Variants in DNAH14 observed in about 807,000 individuals in gnomAD.
The protein encoded by DNAH14 is dynein axonemal heavy chain 14.
Under a neutral mutation model 520.9 loss-of-function variants are expected in DNAH14, and 478 were observed. The observed-to-expected ratio is 0.92, with a 90% CI of 0.85 to 0.99. The LOEUF (loss-of-function observed/expected upper bound fraction) is 0.99, where lower values mean the gene tolerates loss of function less well. Among genes scored for constraint, DNAH14 ranks in the 50% least tolerant of loss-of-function variants. DNAH14 has a pLI of 0.00. For missense variants in DNAH14, 4,831 were observed against 5,234.5 expected (o/e 0.92, Z 2.38); for synonymous variants, 1,581 against 1,757.2 (o/e 0.90, Z 2.51).
chr1:225,214,093 G>A (rs1428546420), intron 41 of DNAH14, among the ~76,000 whole-genome samples: 1 of 152,108 alleles, frequency 6.6e-6, no homozygotes, highest in African/African-American at 2.4e-5. Flanking sequence ...TCAATACCTA[G>A]TTTATTGAGA....
intron 8 of DNAH14, among the ~76,000 whole-genome samples, chr1:224,985,583 G>T (rs1324933200): frequency 6.6e-6 from 1 of 152,080 alleles, no homozygotes; most frequent in African/African-American, 2.4e-5. Flanking sequence ...CTCGTAACCA[G>T]ATACCACCTG....
chr1:225,278,175 G>A (rs1458330419), intron 54 of DNAH14, among the ~76,000 whole-genome samples: 2 of 150,366 alleles, frequency 1.3e-5, no homozygotes, highest in East Asian at 3.9e-4. Context: ...TAATTAAAAG[G>A]AACTAAAAAC....
chr1:225,337,156 A>G (rs2095074631), intron 66 of DNAH14, 110 bp from the exon 67 acceptor site: 3 of 929,156 alleles, frequency 3.2e-6, no homozygotes, highest in Non-Finnish European at 4.8e-6. Flanking sequence ...TTTAAACAGT[A>G]TTTCTTTTTC....
intron 8 of DNAH14, among the ~76,000 whole-genome samples, chr1:224,983,323 T>G (rs1282942877): frequency 6.6e-6 from 1 of 152,160 alleles, no homozygotes; most frequent in African/African-American, 2.4e-5. Flanking sequence ...ACCCCTTTAC[T>G]TTAAGTTTAT....
chr1:225,130,368 A>G (rs1433463172), intron 27 of DNAH14, among the ~76,000 whole-genome samples: 1 of 152,032 alleles, frequency 6.6e-6, no homozygotes, highest in Non-Finnish European at 1.5e-5. Flanking sequence ...ACACATACAC[A>G]CGTATGTTTA....
intron 41 of DNAH14, among the ~76,000 whole-genome samples, chr1:225,212,665 A>C (rs921573176): frequency 1.4e-4 from 22 of 152,264 alleles, no homozygotes; most frequent in South Asian, 6.2e-4. Context: ...AATGATGATG[A>C]GCATTTTTTC....
chr1:225,176,661 ATAGT>A (rs1274260672), intron 36 of DNAH14, among the ~76,000 whole-genome samples: 4 of 151,118 alleles, frequency 2.6e-5, no homozygotes, highest in South Asian at 2.1e-4. Context: ...TGTTCTCATG[ATAGT>A]TAGTAAGTCT....
Position 225,132,053 on chromosome 1 carries a change from A to G in DNAH14, c.4254+8439A>G, listed in dbSNP as rs142690607. 5.3e-3 allele frequency among the ~76,000 whole-genome samples: 800 copies of G among 152,292 alleles called. 5 individuals carry two copies. Among genetic ancestry groups the G allele is most frequent in the Non-Finnish European group, 8.2e-3 (560 of 68,018 alleles). Reference sequence around the variant, plus strand: ...TGATTTTTCTCCAGAAAAACTGAGTAATCATTTAAAAAAGTGAGTGGTCAT... The same window carrying G: ...TGATTTTTCTCCAGAAAAACTGAGTGATCATTTAAAAAAGTGAGTGGTCAT... On this transcript the variant is annotated intron_variant, in intron 27 of 85. Transcript: ENST00000682510.
At chr1:225,281,988 CTA>C (rs34015245) in intron 54 of DNAH14, among the ~76,000 whole-genome samples, 27,598 of 151,864 alleles carry the variant, frequency 0.18, 2,664 homozygotes, top group East Asian at 0.34. Context: ...ACGACGGTAA[CTA>C]TGTAAAGATA....
chr1:225,144,603 CTG>C lies in DNAH14; in HGVS notation c.4716_4717del (p.Glu1573AspfsTer20). 6.4e-7 allele frequency: 1 copy of C among 1,551,364 alleles called. No homozygotes were observed. Among genetic ancestry groups the C allele is most frequent in the Non-Finnish European group, 8.7e-7 (1 of 1,146,876 alleles). ...GCCGGTCCAGCTGGTACAGGAAAAA[CTG>C]AGACTGTCAAAGATCTAGCAAAAGT... On this transcript the variant is annotated frameshift_variant, in exon 29 of 86. Coordinates refer to ENST00000682510, the MANE Select transcript of DNAH14 (RefSeq NM_001367479.1). LOFTEE classifies it high-confidence loss of function.
At chr1:225,150,806 T>C (rs1014635438) in intron 31 of DNAH14, among the ~76,000 whole-genome samples, 1 of 152,166 alleles carries the variant, frequency 6.6e-6, no homozygotes, top group East Asian at 1.9e-4. Flanking sequence ...CTCGGCTTAC[T>C]GCAACCTCTG....
At chr1:225,163,169 A>G (rs1321153646) in intron 35 of DNAH14, among the ~76,000 whole-genome samples, 1 of 151,270 alleles carries the variant, frequency 6.6e-6, no homozygotes, top group Non-Finnish European at 1.5e-5. Context: ...AAAAGGAAAA[A>G]GAAATGCTAC....
chr1:225,235,543 G>T (rs1471696238), intron 42 of DNAH14, among the ~76,000 whole-genome samples: 1 of 152,064 alleles, frequency 6.6e-6, no homozygotes, highest in African/African-American at 2.4e-5. Flanking sequence ...TCAGAATAAT[G>T]ATGGCCTCAG....
intron 43 of DNAH14, among the ~76,000 whole-genome samples, chr1:225,251,935 A>G (rs1291437476): frequency 6.6e-6 from 1 of 152,176 alleles, no homozygotes; most frequent in Non-Finnish European, 1.5e-5. Flanking sequence ...TAATAGAAAG[A>G]TAAGTGTGAT....
intron 79 of DNAH14, among the ~76,000 whole-genome samples, chr1:225,379,529 T>A (rs1195838146): frequency 1.3e-5 from 2 of 152,150 alleles, no homozygotes; most frequent in Non-Finnish European, 2.9e-5. Flanking sequence ...CCTTTTCTTT[T>A]TTTAAATTTT....
chr1:225,163,550 G>A (rs2081745594), intron 35 of DNAH14, among the ~76,000 whole-genome samples: 1 of 152,098 alleles, frequency 6.6e-6, no homozygotes, highest in African/African-American at 2.4e-5. Flanking sequence ...GTTATTTGAG[G>A]ATTTTTATCC....
At position 225,038,705 on chromosome 1, in the gene DNAH14, A is replaced by G; in HGVS notation, c.1370A>G (p.Asp457Gly). 6.5e-7 allele frequency: 1 copy of G among 1,532,108 alleles called. No individual in the cohort carries two copies. Among genetic ancestry groups the G allele is most frequent in the Non-Finnish European group, 8.8e-7 (1 of 1,141,492 alleles). The allele number at this position is 1,532,108 out of a possible 1,614,324, so 94.9% of individuals were successfully genotyped here. ...ATTTCTTAATCCAGAACATTCAAGG[A>G]CAACTCTTTTCCTACTGGAAAGACA... ...KNENLIRTFKDNSFPTGKTTN... is the reference protein window; with the variant it reads ...KNENLIRTFKGNSFPTGKTTN... Residue 457 changes from aspartate (D) to glycine (G), a missense_variant, in exon 12 of 86, where the codon GAC (aspartate) becomes GGC (glycine). Asp to Gly is a moderately conservative substitution (Grantham distance 94, BLOSUM62 -1). Transcript: ENST00000682510.
chr1:225,040,751 T>C (rs2148204590), intron 12 of DNAH14, among the ~76,000 whole-genome samples: 1 of 152,354 alleles, frequency 6.6e-6, no homozygotes, highest in South Asian at 2.1e-4. Context: ...AATTTCTGGG[T>C]GAAAGCATAT....
intron 19 of DNAH14, 112 bp from the exon 20 acceptor site, chr1:225,082,437 G>A (rs1463303733): frequency 3.8e-6 from 3 of 796,296 alleles, no homozygotes; most frequent in Admixed American, 3.3e-5. Flanking sequence ...TTTAATAATT[G>A]ATAAAGTAGT....
Sources: gnomAD v4.1 joint callset for allele counts (sites outside exome capture counted in the v4.1 genomes callset) on GRCh38, gnomAD v4.1.1 for gene constraint, MANE v1.5 for transcripts, NCBI Gene and HGNC (gene_info 2026-07-23, HGNC 2026-07-21) for gene names.